Variants in MINDY2 observed in about 807,000 individuals in gnomAD.
MINDY2 encodes the protein ubiquitin carboxyl-terminal hydrolase MINDY-2.
MINDY2 carries 52 observed loss-of-function variants against 68.2 expected under a neutral mutation model. The observed-to-expected ratio is 0.76, with a 90% CI of 0.61 to 0.96. The LOEUF (loss-of-function observed/expected upper bound fraction) is 0.96, where lower values mean the gene tolerates loss of function less well. Ranked by LOEUF, MINDY2 falls within the 40% of genes least tolerant of loss-of-function variation. The pLI, the probability that MINDY2 is intolerant of heterozygous loss-of-function variation, is 0.00. For missense variants in MINDY2, 881 were observed against 773.4 expected (o/e 1.14, Z -1.65); for synonymous variants, 372 against 303.0 (o/e 1.23, Z -2.36).
rs780073430 is a variant in MINDY2, at chr15:58,771,752, G to A, written c.357G>A (p.Val119=). 1 of 1,611,610 alleles carries A rather than the reference G, an allele frequency of 6.2e-7. No homozygotes were observed. The highest frequency in any genetic ancestry group is 1.7e-5 in the Admixed American group (1 of 59,888). ...CCCCGGAGACAGCCGTGGCCGGAGT[G>A]GGTCATGAGTTGGGTACCGCCGGAG... ...TASPETAVAG[V]GHELGTAGDA... is the part of the protein sequence containing the mutation. The change falls in exon 1 of 9, where the codon GTG becomes GTA. Residue 119 remains valine (V), a synonymous_variant. Coordinates refer to ENST00000559228, the MANE Select transcript of MINDY2 (RefSeq NM_001040450.3).
In MINDY2 at chr15:58,847,459, C is replaced by T; in HGVS notation, c.1531C>T (p.Gln511Ter). The T allele has an allele frequency of 6.5e-7, 1 of 1,550,290 alleles. No individual in the cohort carries two copies. The highest frequency in any genetic ancestry group is 8.8e-7 in the Non-Finnish European group (1 of 1,134,628). Residue 511 changes from glutamine (Q) to a stop codon, truncating the protein, a stop_gained, in exon 7 of 9, where the codon CAG becomes TAG. Coordinates refer to ENST00000559228, the MANE Select transcript of MINDY2 (RefSeq NM_001040450.3). LOFTEE classifies it high-confidence loss of function. ...AACTGTATACAAAGGACAACAAGAT[C>T]AGATAGATCAGGTAAATTTGTATTG... ...PETVYKGQQD[Q>*]IDQDYLMALS...
intron 3 of MINDY2, among the ~76,000 whole-genome samples, chr15:58,805,409 G>A (rs422259): frequency 0.016 from 2,456 of 152,288 alleles, 58 homozygotes; most frequent in African/African-American, 0.049. Flanking sequence ...AAGTTGTAAT[G>A]TAAGCAAAGA....
chr15:58,851,632 G>A, intron 7 of MINDY2, 139 bp from the exon 8 acceptor site: 1 of 628,904 alleles, frequency 1.6e-6, no homozygotes, highest in South Asian at 2.4e-5. Context: ...GTAGAGACAG[G>A]GTCTTGCTAT....
chr15:58,796,987 T>G (rs1412144449), intron 2 of MINDY2, among the ~76,000 whole-genome samples: 2 of 152,158 alleles, frequency 1.3e-5, no homozygotes, highest in Admixed American at 6.6e-5. Flanking sequence ...TTACTATTCT[T>G]TCTTAGATCA....
chr15:58,804,463 C>G lies in MINDY2; in HGVS notation c.963+2086C>G, dbSNP rs149114298. Among the ~76,000 whole-genome samples, 3 of 152,136 alleles carry G rather than the reference C, an allele frequency of 2.0e-5. No homozygotes were observed. In the South Asian group the frequency reaches 6.2e-4, roughly 31 times the overall value. On this transcript the variant is annotated intron_variant, in intron 3 of 8. Coordinates refer to ENST00000559228, the MANE Select transcript of MINDY2 (RefSeq NM_001040450.3). ...TCAACCTCCAAATTCATTTTACTTT[C>G]GTTGCCTAATCCTGAGAAAATCTTG... is the stretch of plus-strand genomic sequence containing the variant.
At chr15:58,843,205 A>G (rs2032363193) in intron 6 of MINDY2, among the ~76,000 whole-genome samples, 1 of 152,192 alleles carries the variant, frequency 6.6e-6, no homozygotes, top group Admixed American at 6.5e-5. Flanking sequence ...GCTGGAGTAC[A>G]GTGGCACAAT....
At chr15:58,800,527 A>G (rs1485401022) in intron 2 of MINDY2, among the ~76,000 whole-genome samples, 2 of 152,186 alleles carry the variant, frequency 1.3e-5, no homozygotes, top group African/African-American at 4.8e-5. Context: ...AATCTTTTGT[A>G]TTAACTCTTT....
intron 2 of MINDY2, chr15:58,796,014 G>A (rs1902259121): frequency 6.7e-6 from 3 of 446,854 alleles, no homozygotes. Flanking sequence ...TGACTTGGCA[G>A]TGTGGTTATT....
intron 6 of MINDY2, among the ~76,000 whole-genome samples, chr15:58,845,043 GA>G (rs1377768468): frequency 2.7e-4 from 39 of 145,606 alleles, no homozygotes; most frequent in South Asian, 1.1e-3. Flanking sequence ...CAGCTCTCTA[GA>G]AAAAAAAAAA....
intron 1 of MINDY2, among the ~76,000 whole-genome samples, chr15:58,783,959 C>G (rs1462485663): frequency 6.6e-6 from 1 of 151,646 alleles, no homozygotes; most frequent in Non-Finnish European, 1.5e-5. Context: ...TGAGGTTTTA[C>G]CTTATAATGG....
At chr15:58,792,355 C>T (rs750122888) in intron 2 of MINDY2, among the ~76,000 whole-genome samples, 7 of 152,330 alleles carry the variant, frequency 4.6e-5, no homozygotes, top group Middle Eastern at 3.4e-3. Flanking sequence ...CGCCTGTAAT[C>T]CCAGCATTTT....
intron 3 of MINDY2, among the ~76,000 whole-genome samples, chr15:58,807,651 T>C (rs150170545): frequency 0.032 from 4,934 of 152,184 alleles, 281 homozygotes; most frequent in African/African-American, 0.11. Flanking sequence ...GCGTGAGCCA[T>C]TGCGCCCGGC....
intron 3 of MINDY2, among the ~76,000 whole-genome samples, chr15:58,807,740 GACAA>G (rs2029907715): frequency 6.6e-6 from 1 of 152,084 alleles, no homozygotes; most frequent in South Asian, 2.1e-4. Context: ...TCCTTAATCT[GACAA>G]ACAAGTCTTT....
chr15:58,791,622 ATGTGTGTG>A (rs368688031), intron 2 of MINDY2, among the ~76,000 whole-genome samples: 3,097 of 136,740 alleles, frequency 0.023, 118 homozygotes, highest in African/African-American at 0.08. Context: ...GTCTCAAAAT[ATGTGTGTG>A]TGTGTGTGTG....
Position 58,771,429 on chromosome 15 carries a change from G to A in MINDY2, c.34G>A (p.Glu12Lys), listed in dbSNP as rs1409553254. ...ESSPESLQPLEHGVAAGPASG... is the reference protein window; with the variant it reads ...ESSPESLQPLKHGVAAGPASG... ...CAGCCCCGAGAGCCTGCAGCCGCTA[G>A]AACACGGGGTGGCGGCCGGGCCAGC... Residue 12 changes from glutamate (E) to lysine (K), a missense_variant, in exon 1 of 9, where the codon GAA becomes AAA. By Grantham distance (56) the Glu-to-Lys change is moderately conservative. Transcript: ENST00000559228. The A allele has an allele frequency of 2.5e-6, 4 of 1,611,990 alleles. No individual in the cohort carries two copies. The highest frequency in any genetic ancestry group is 2.2e-5 in the East Asian group (1 of 44,890).
chr15:58,775,471 G>A (rs1471031724), intron 1 of MINDY2, among the ~76,000 whole-genome samples: 3 of 152,194 alleles, frequency 2.0e-5, no homozygotes, highest in Non-Finnish European at 4.4e-5. Context: ...ATAAAGAAAT[G>A]ACATGAAGAA....
chr15:58,848,739 C>G (rs147708670), intron 7 of MINDY2, among the ~76,000 whole-genome samples: 152 of 152,174 alleles, frequency 1.0e-3, no homozygotes, highest in Middle Eastern at 3.4e-3. Context: ...GAGCGAGACT[C>G]CATCTCAAAA....
intron 1 of MINDY2, among the ~76,000 whole-genome samples, chr15:58,773,646 A>C (rs1320834018): frequency 6.6e-6 from 1 of 152,190 alleles, no homozygotes; most frequent in African/African-American, 2.4e-5. Context: ...GGTATGGCGT[A>C]GTCCTAGAAA....
At chr15:58,798,054 T>C (rs1902399292) in intron 2 of MINDY2, among the ~76,000 whole-genome samples, 1 of 152,176 alleles carries the variant, frequency 6.6e-6, no homozygotes, top group Non-Finnish European at 1.5e-5. Context: ...CTCTTACACC[T>C]CTACAATCCC....
Sources: gnomAD v4.1 joint callset for allele counts (sites outside exome capture counted in the v4.1 genomes callset) on GRCh38, gnomAD v4.1.1 for gene constraint, MANE v1.5 for transcripts, NCBI Gene and HGNC (gene_info 2026-07-23, HGNC 2026-07-21) for gene names.